ANKRD27: variants seen among roughly 807,000 people sequenced by gnomAD.
The protein encoded by ANKRD27 is ankyrin repeat domain 27, also known as ankyrin repeat domain-containing protein 27.
A neutral mutation model predicts 129.7 loss-of-function variants in ANKRD27; 112 were observed. The ratio of observed to expected loss-of-function variants is 0.86; its 90% CI spans 0.74 to 1.01. The LOEUF (loss-of-function observed/expected upper bound fraction) is 1.01, where lower values mean the gene tolerates loss of function less well. Ranked by LOEUF, ANKRD27 falls within the 50% of genes least tolerant of loss-of-function variation. The pLI is 0.00. For missense variants in ANKRD27, 1,258 were observed against 1,300.5 expected (o/e 0.97, Z 0.50); for synonymous variants, 516 against 511.2 (o/e 1.01, Z -0.13).
chr19:32,604,201 G>C, intron 25 of ANKRD27, 62 bp downstream of exon 25: 1 of 1,510,656 alleles, frequency 6.6e-7, no homozygotes, highest in Admixed American at 1.9e-5. Flanking sequence ...TTAAACAAAG[G>C]GATCCAGAGG....
chr19:32,645,679 C>T (rs1467962941), intron 4 of ANKRD27, among the ~76,000 whole-genome samples: 1 of 151,976 alleles, frequency 6.6e-6, no homozygotes, highest in Non-Finnish European at 1.5e-5. Context: ...GTAGCCCAGG[C>T]TGGAGTGCAG....
intron 14 of ANKRD27, 63 bp from the exon 15 acceptor site, chr19:32,628,228 C>T: frequency 2.1e-6 from 3 of 1,399,344 alleles, no homozygotes; most frequent in Non-Finnish European, 3.0e-6. Flanking sequence ...CTCTCCCTGA[C>T]CAGGTAGATA....
chr19:32,662,380 T>C (rs1207162079), intron 1 of ANKRD27, among the ~76,000 whole-genome samples: 1 of 144,574 alleles, frequency 6.9e-6, no homozygotes, highest in African/African-American at 2.6e-5. Context: ...GAGCCAGCCC[T>C]GTGACTTGCT....
rs377189875 is a variant in ANKRD27 at position 32,643,153 on chromosome 19, T to C, written c.752A>G (p.Gln251Arg). Residue 251 changes from glutamine to arginine, a missense_variant, in exon 9 of 29, where the codon CAG becomes CGG. By Grantham distance (43) the Gln-to-Arg change is conservative. Transcript: ENST00000306065. ...KITRSLQDLQ[Q>R]KDIGVKPEFS... ...CTCCGGTTTCACACCAATATCTTTC[T>C]GCTGAAGATCTTGAAGGCTTCTTGT... 1.9e-5 allele frequency: 30 copies of C among 1,614,008 alleles called. No individual in the cohort carries two copies. In the African/African-American group the frequency reaches 3.2e-4, roughly 17 times the overall value.
intron 2 of ANKRD27, among the ~76,000 whole-genome samples, chr19:32,656,118 A>AAGG (rs1967530490): frequency 8.5e-6 from 1 of 117,846 alleles, no homozygotes; most frequent in African/African-American, 3.3e-5. Flanking sequence ...AAAAGAAAAG[A>AAGG]AAAGAAAAGA....
At chr19:32,620,977 A>C (rs1389882747) in intron 18 of ANKRD27, among the ~76,000 whole-genome samples, 1 of 151,542 alleles carries the variant, frequency 6.6e-6, no homozygotes, top group African/African-American at 2.4e-5. Context: ...TGATGGTTTC[A>C]TGGATGTCCA....
At chr19:32,598,733 A>G (rs1197653982) in intron 28 of ANKRD27, among the ~76,000 whole-genome samples, 1 of 151,670 alleles carries the variant, frequency 6.6e-6, no homozygotes, top group Non-Finnish European at 1.5e-5. Flanking sequence ...GCAGATTTCA[A>G]CGATTCTGGC....
rs760940319 is a variant in ANKRD27 at position 32,605,893 on chromosome 19, G to A, written c.2435C>T (p.Thr812Met). The change falls in exon 24 of 29, where the codon ACG becomes ATG. Residue 812 changes from threonine to methionine, a missense_variant. By Grantham distance (81) the Thr-to-Met change is moderately conservative. Coordinates refer to ENST00000306065, the MANE Select transcript of ANKRD27 (RefSeq NM_032139.3). The part of the protein sequence containing the change: ...KPNKKDLSGN[T>M]PLIYACSGGH... ...ACCGGAGCAGGCGTAAATGAGGGGCGTGTTTCCACTGAGGTCCTTCTTATT... is the reference window on the plus strand; with the variant it reads ...ACCGGAGCAGGCGTAAATGAGGGGCATGTTTCCACTGAGGTCCTTCTTATT... The A allele has an allele frequency of 8.1e-6, 13 of 1,613,964 alleles. No individual in the cohort carries two copies. Among genetic ancestry groups the A allele is most frequent in the Middle Eastern group, 1.6e-4 (1 of 6,084 alleles).
chr19:32,599,681 A>G (rs553805582), intron 28 of ANKRD27, 23 bp downstream of exon 28: 1 of 1,599,514 alleles, frequency 6.3e-7, no homozygotes, highest in African/African-American at 1.3e-5. Context: ...AATATGATTA[A>G]AAGCCAGTGT....
intron 13 of ANKRD27, among the ~76,000 whole-genome samples, chr19:32,629,067 T>A (rs897467930): frequency 5.3e-5 from 8 of 152,128 alleles, no homozygotes; most frequent in Admixed American, 4.6e-4. Context: ...ATTAGAGGCA[T>A]CTGCCACCAC....
intron 9 of ANKRD27, 74 bp from the exon 10 acceptor site, chr19:32,642,219 T>G: frequency 3.9e-6 from 5 of 1,269,540 alleles, no homozygotes; most frequent in South Asian, 4.8e-5. Context: ...TAAGAACACA[T>G]CTCAGGATCT....
chr19:32,627,944 G>T, intron 15 of ANKRD27, 139 bp downstream of exon 15: 1 of 741,886 alleles, frequency 1.3e-6, no homozygotes, highest in Non-Finnish European at 2.3e-6. Context: ...TCTCCTTCCG[G>T]CCCTTGGAGG....
At chr19:32,629,573 G>A (rs984923999) in intron 13 of ANKRD27, among the ~76,000 whole-genome samples, 8 of 152,050 alleles carry the variant, frequency 5.3e-5, no homozygotes, top group South Asian at 2.1e-4. Flanking sequence ...GGTGGCAGAC[G>A]CCTGTAATCC....
chr19:32,663,947 T>A (rs988958373), intron 1 of ANKRD27, among the ~76,000 whole-genome samples: 1 of 148,502 alleles, frequency 6.7e-6, no homozygotes, highest in South Asian at 2.2e-4. Context: ...TCCCAGCTAC[T>A]TGGGAGGCTG....
chr19:32,640,519 G>A, intron 10 of ANKRD27, 134 bp from the exon 11 acceptor site: 1 of 726,200 alleles, frequency 1.4e-6, no homozygotes, highest in South Asian at 1.6e-5. Context: ...AAATGTCATT[G>A]CACAAGCTCC....
chr19:32,644,346 T>A lies in ANKRD27; in HGVS notation c.504A>T (p.Arg168Ser). ...SFHRTFRECE[R>S]KSLRHHIDSA... ...TGACTATGTGGTGACGGAGGCTCTTTCTCTCGCATTCTCGGAATGTTCGAT... is the reference window on the plus strand; with the variant it reads ...TGACTATGTGGTGACGGAGGCTCTTACTCTCGCATTCTCGGAATGTTCGAT... Residue 168 changes from arginine to serine, a missense_variant, in exon 5 of 29, where the codon AGA (arginine) becomes AGT (serine). Physicochemically the swap from Arg to Ser is moderately radical, Grantham distance 110 (BLOSUM62 -1). Transcript: ENST00000306065. 6.2e-7 allele frequency: 1 copy of A among 1,613,408 alleles called. No individual in the cohort carries two copies. Among genetic ancestry groups the A allele is most frequent in the South Asian group, 1.1e-5 (1 of 91,022 alleles).
At chr19:32,653,747 G>C (rs1315552396) in intron 2 of ANKRD27, among the ~76,000 whole-genome samples, 2 of 151,058 alleles carry the variant, frequency 1.3e-5, no homozygotes, top group African/African-American at 2.4e-5. Context: ...GCGGGGACGG[G>C]GTGGGGGTGG....
At chr19:32,637,341 T>C (rs747403950) in intron 12 of ANKRD27, 31 of 152,196 alleles carry the variant, frequency 2.0e-4, no homozygotes, top group Non-Finnish European at 4.4e-4. Flanking sequence ...ATTTTACTCA[T>C]TGGTATGTAG....
At chr19:32,627,742 G>A (rs1450406601) in intron 15 of ANKRD27, among the ~76,000 whole-genome samples, 1 of 152,202 alleles carries the variant, frequency 6.6e-6, no homozygotes, top group Non-Finnish European at 1.5e-5. Flanking sequence ...TTTAAAGGCA[G>A]GGCCACAAGA....
Sources: allele counts gnomAD v4.1 joint callset (sites outside exome capture counted in the v4.1 genomes callset), GRCh38; gene constraint gnomAD v4.1.1; transcripts MANE v1.5; gene names NCBI Gene and HGNC (gene_info 2026-07-23, HGNC 2026-07-21).